PGD: variants seen among roughly 807,000 people sequenced by gnomAD.
The protein encoded by PGD is 6-phosphogluconate dehydrogenase, decarboxylating.
Under a neutral mutation model 60.4 loss-of-function variants are expected in PGD, and 21 were observed. The observed-to-expected ratio is 0.35, with a 90% CI of 0.25 to 0.50. The LOEUF is 0.50. Among genes scored for constraint, PGD ranks in the 20% least tolerant of loss-of-function variants. The pLI is 0.98. For synonymous variants in PGD, 230 were observed against 235.9 expected, an observed-to-expected ratio of 0.97 and a Z score of 0.23; for missense variants, 477 against 613.1, an observed-to-expected ratio of 0.78 and a Z score of 2.34.
At chr1:10,412,669 C>T (rs1256248254) in intron 7 of PGD, among the ~76,000 whole-genome samples, 1 of 152,134 alleles carries the variant, frequency 6.6e-6, no homozygotes, top group Admixed American at 6.6e-5. Flanking sequence ...CCTGCCCTCC[C>T]GGAGCTGGGA....
Position 10,417,199 on chromosome 1 carries a change from A to C in PGD, c.975+82A>C. ...GGGGGTTGTGGTGGGAGAACACTCG[A>C]GGCCACAGGATGGCAGGTGGAATGA... On this transcript the variant is annotated intron_variant, in intron 9 of 12. Coordinates refer to ENST00000270776, the MANE Select transcript of PGD (RefSeq NM_002631.4). The C allele has an allele frequency of 1.5e-5, 23 of 1,526,502 alleles. No homozygotes were observed. The South Asian group carries it at 2.5e-4, about 17-fold the overall frequency. 94.6% of individuals were successfully genotyped at this position (1,526,502 alleles called of 1,614,324 possible). A position where few individuals can be genotyped will look rare whatever the true frequency, so the allele number is the denominator to read the frequency against.
In PGD at chr1:10,403,144, T is replaced by C. The variant is rs1639342730; in HGVS notation, c.330+8T>C. 6.3e-7 allele frequency: 1 copy of C among 1,581,958 alleles called. No homozygotes were observed. On this transcript the variant is annotated splice_region_variant and intron_variant, in intron 4 of 12. Transcript: ENST00000270776. ...GAATATAGGGACACCACAGTAAGTG[T>C]TCTTCAGTCCAGATTCTTCCAGGTT...
intron 4 of PGD, among the ~76,000 whole-genome samples, chr1:10,403,529 T>C (rs1255515068): frequency 7.0e-6 from 1 of 141,976 alleles, no homozygotes; most frequent in Non-Finnish European, 1.5e-5. Context: ...AGGCAGAAGT[T>C]GCAGTGAGCC....
At chr1:10,417,303 G>A in intron 9 of PGD, 73 bp from the exon 10 acceptor site, 1 of 1,509,966 alleles carries the variant, frequency 6.6e-7, no homozygotes. Flanking sequence ...CTGCTGATGA[G>A]AATAAGACTG....
At chr1:10,399,502 G>A (rs1481161725) in intron 1 of PGD, 127 bp from the exon 2 acceptor site, 19 of 854,798 alleles carry the variant, frequency 2.2e-5, no homozygotes, top group African/African-American at 3.3e-5. Flanking sequence ...GCTTCTGGGG[G>A]CCCGCGGGAG....
chr1:10,400,073 C>T (rs1569965239), intron 2 of PGD: 1 of 454,048 alleles, frequency 2.2e-6, no homozygotes, highest in Non-Finnish European at 4.0e-6. Flanking sequence ...GTGGCTTAGA[C>T]GCCAGGATGA....
chr1:10,400,626 C>T, intron 3 of PGD, 54 bp downstream of exon 3: 2 of 1,404,426 alleles, frequency 1.4e-6, no homozygotes, highest in Non-Finnish European at 1.9e-6. Flanking sequence ...TTTTTGGTTT[C>T]TTCCTTTAGT....
Position 10,399,096 on chromosome 1 carries a change from C to G in PGD, c.-22C>G. On this transcript the variant is annotated 5_prime_UTR_variant, in exon 1 of 13. Transcript: ENST00000270776. ...TCGTCCTCCGCGCGTCGCCGCTCTTCGGTTCTGCTCTGTCCGCCGCCATGG... is the reference window on the plus strand; with the variant it reads ...TCGTCCTCCGCGCGTCGCCGCTCTTGGGTTCTGCTCTGTCCGCCGCCATGG... 1 of 1,609,474 alleles carries G rather than the reference C, an allele frequency of 6.2e-7. No homozygotes were observed. The highest frequency in any genetic ancestry group is 8.5e-7 in the Non-Finnish European group (1 of 1,179,570).
intron 2 of PGD, among the ~76,000 whole-genome samples, chr1:10,400,176 C>G (rs1639291309): frequency 6.6e-6 from 1 of 152,140 alleles, no homozygotes; most frequent in East Asian, 1.9e-4. Flanking sequence ...CCTGACACAC[C>G]GGGGGTAGTT....
intron 7 of PGD, among the ~76,000 whole-genome samples, chr1:10,412,028 ACCT>A (rs147335775): frequency 0.017 from 2,580 of 152,198 alleles, 62 homozygotes; most frequent in African/African-American, 0.057. Context: ...CTGGATACAC[ACCT>A]CCTCCTTTCT....
chr1:10,411,258 A>C (rs887327021), intron 6 of PGD, among the ~76,000 whole-genome samples, 160 bp from the exon 7 acceptor site: 1 of 152,166 alleles, frequency 6.6e-6, no homozygotes, highest in Non-Finnish European at 1.5e-5. Flanking sequence ...TTGAATTGCT[A>C]TATGATTCTT....
chr1:10,407,217 G>A (rs556191509), intron 5 of PGD, among the ~76,000 whole-genome samples: 1 of 152,326 alleles, frequency 6.6e-6, no homozygotes, highest in South Asian at 2.1e-4. Context: ...GGAAGCTGAG[G>A]TGTGAGGATT....
At chr1:10,405,394 C>G (rs202086658) in intron 5 of PGD, among the ~76,000 whole-genome samples, 2 of 57,516 alleles carry the variant, frequency 3.5e-5, no homozygotes, top group African/African-American at 1.6e-4. Flanking sequence ...ACAAAACAAA[C>G]AAAAAATACA....
chr1:10,416,735 T>C (rs375234390), intron 8 of PGD, among the ~76,000 whole-genome samples: 9 of 152,060 alleles, frequency 5.9e-5, no homozygotes, highest in African/African-American at 1.7e-4. Flanking sequence ...AGGTGCTCAG[T>C]TGGGGAGGTT....
At chr1:10,400,706 A>G (rs1639301367) in intron 3 of PGD, 134 bp downstream of exon 3, 1 of 672,080 alleles carries the variant, frequency 1.5e-6, no homozygotes, top group Admixed American at 3.1e-5. Context: ...TGATTGCTTA[A>G]CTGTTGCAGT....
chr1:10,413,277 C>G, intron 8 of PGD, 26 bp downstream of exon 8: 1 of 1,596,368 alleles, frequency 6.3e-7, no homozygotes, highest in Admixed American at 1.7e-5. Flanking sequence ...TCACATGGGC[C>G]CTTTCGTCCA....
rs753647941 is a variant in PGD, at chr1:10,408,024, CA to C, written c.450-46del. On this transcript the variant is annotated intron_variant, in intron 5 of 12. Transcript: ENST00000270776. ...GTTGGTGTCTATGGGTATGGGCTCT[CA>C]GCCCGTCTCTTCTCATTAACTGAAC... 4.1e-5 allele frequency: 45 copies of C among 1,110,080 alleles called. No homozygotes were observed. The East Asian group carries it at 4.7e-4, about 12-fold the overall frequency. The allele number at this position is 1,110,080 out of a possible 1,614,324, so 68.8% of individuals were successfully genotyped here.
chr1:10,419,734 G>C lies in PGD; in HGVS notation c.1437G>C (p.Ser479=), dbSNP rs41274480. 1.2e-6 allele frequency: 2 copies of C among 1,614,008 alleles called. No individual in the cohort carries two copies. Among genetic ancestry groups the C allele is most frequent in the Non-Finnish European group, 1.7e-6 (2 of 1,180,026 alleles). ...GCCATGGTGGCACCGTGTCATCCTCGTCATACAATGCCTGATCATGCTGCT... is the reference window on the plus strand; with the variant it reads ...GCCATGGTGGCACCGTGTCATCCTCCTCATACAATGCCTGATCATGCTGCT... The part of the protein sequence containing the change: ...WTGHGGTVSS[S]SYNA Residue 479 remains serine (S), a synonymous_variant, in exon 13 of 13, where the codon TCG becomes TCC. Transcript: ENST00000270776.
intron 5 of PGD, 137 bp from the exon 6 acceptor site, chr1:10,407,934 G>C (rs562029200): frequency 7.5e-6 from 5 of 669,226 alleles, no homozygotes; most frequent in East Asian, 2.5e-5. Context: ...GGGTGACAAC[G>C]TGAGACCCTG....
Sources: allele counts gnomAD v4.1 joint callset (sites outside exome capture counted in the v4.1 genomes callset), GRCh38; gene constraint gnomAD v4.1.1; transcripts MANE v1.5; gene names NCBI Gene and HGNC (gene_info 2026-07-23, HGNC 2026-07-21).